The following FLT1 variants were observed in gnomAD, a reference collection of about 807,000 sequenced individuals.
The protein encoded by FLT1 is fms related receptor tyrosine kinase 1, also known as vascular endothelial growth factor receptor 1.
In FLT1, 49 loss-of-function variants were observed where a neutral mutation model predicts 156.3. The ratio of observed to expected loss-of-function variants is 0.31; its 90% confidence interval spans 0.25 to 0.40. The LOEUF (loss-of-function observed/expected upper bound fraction) is 0.40, where lower values mean the gene tolerates loss of function less well. Ranked by LOEUF, FLT1 falls within the 10% of genes least tolerant of loss-of-function variation. The pLI is 1.00. For synonymous variants in FLT1, 594 were observed against 583.8 expected (o/e 1.02, Z -0.25); for missense variants, 1,322 against 1,637.2 (o/e 0.81, Z 3.32).
Position 28,434,084 on chromosome 13 carries a change from T to A in FLT1, c.650A>T (p.Lys217Met). 1 of 1,614,222 alleles carries A rather than the reference T, an allele frequency of 6.2e-7. No individual in the cohort carries two copies. The highest frequency in any genetic ancestry group is 8.5e-7 in the Non-Finnish European group (1 of 1,180,012). ...CEATVNGHLY[K>M]TNYLTHRQTN... is the part of the protein sequence containing the mutation. ...TTGTCGATGTGTGAGATAGTTTGTC[T>A]TATACAAATGCCCATTGACTGTTGC... The change falls in exon 5 of 30, where the codon AAG (lysine) becomes ATG (methionine). Residue 217 changes from lysine (K) to methionine (M), a missense_variant. Around this residue, in one of 3 missense-constraint regions of FLT1, gnomAD observed 991 missense variants for 1,254.8 expected, o/e 0.79. Coordinates refer to ENST00000282397, the MANE Select transcript of FLT1 (RefSeq NM_002019.4).
intron 18 of FLT1, among the ~76,000 whole-genome samples, chr13:28,331,444 G>C (rs978372431): frequency 3.3e-5 from 5 of 152,144 alleles, no homozygotes; most frequent in Non-Finnish European, 5.9e-5. Context: ...TTATGCTTTT[G>C]TTTTGAGACG....
At chr13:28,442,732 A>ACACACACACACG (rs1878401652) in intron 3 of FLT1, among the ~76,000 whole-genome samples, 1 of 151,228 alleles carries the variant, frequency 6.6e-6, no homozygotes, top group African/African-American at 2.4e-5. Context: ...ACACACACAC[A>ACACACACACACG]CGAACACACG....
At chr13:28,328,787 C>T (rs1373898162) in intron 19 of FLT1, among the ~76,000 whole-genome samples, 1 of 152,204 alleles carries the variant, frequency 6.6e-6, no homozygotes, top group African/African-American at 2.4e-5. Context: ...TAAGCTGTCT[C>T]ATTATACCTG....
At chr13:28,326,241 C>T (rs1008825537) in intron 20 of FLT1, among the ~76,000 whole-genome samples, 12 of 152,116 alleles carry the variant, frequency 7.9e-5, no homozygotes, top group East Asian at 1.9e-4. Flanking sequence ...ATTTAATAAA[C>T]GAGGGAACTG....
chr13:28,445,875 T>C (rs1314508960), intron 3 of FLT1, among the ~76,000 whole-genome samples: 14 of 152,140 alleles, frequency 9.2e-5, no homozygotes, highest in African/African-American at 3.4e-4. Flanking sequence ...GACAAACCAA[T>C]ATCTATTACG....
chr13:28,385,486 C>A (rs116741747), intron 13 of FLT1: 8 of 1,007,160 alleles, frequency 7.9e-6, no homozygotes, highest in Non-Finnish European at 9.5e-6. Context: ...TTTGTGGGGG[C>A]GTGTTTGTGT....
At chr13:28,355,724 C>T (rs945020606) in intron 15 of FLT1, among the ~76,000 whole-genome samples, 2 of 152,160 alleles carry the variant, frequency 1.3e-5, no homozygotes, top group African/African-American at 4.8e-5. Flanking sequence ...TCACTAATGG[C>T]CAAACGACTG....
At chr13:28,410,439 GC>G (rs772067462) in intron 10 of FLT1, among the ~76,000 whole-genome samples, 20 of 152,332 alleles carry the variant, frequency 1.3e-4, no homozygotes, top group South Asian at 2.1e-4. Context: ...TCTGTTTAGT[GC>G]CTGTTATGGT....
chr13:28,381,045 G>A (rs1874060733), intron 14 of FLT1, among the ~76,000 whole-genome samples: 1 of 152,032 alleles, frequency 6.6e-6, no homozygotes, highest in Non-Finnish European at 1.5e-5. Flanking sequence ...TTTTGCATGT[G>A]GTAGCTGCTG....
At chr13:28,338,697 A>G (rs1313608249) in intron 17 of FLT1, among the ~76,000 whole-genome samples, 1 of 151,992 alleles carries the variant, frequency 6.6e-6, no homozygotes, top group Non-Finnish European at 1.5e-5. Flanking sequence ...AAGAGCACCA[A>G]CTCTTTCACC....
chr13:28,416,223 G>T (rs1361043314), intron 10 of FLT1, among the ~76,000 whole-genome samples: 1 of 152,234 alleles, frequency 6.6e-6, no homozygotes. Flanking sequence ...GCCAATGGAT[G>T]CCAGTAGGTG....
At chr13:28,465,021 G>T (rs899886993) in intron 3 of FLT1, among the ~76,000 whole-genome samples, 3 of 152,154 alleles carry the variant, frequency 2.0e-5, no homozygotes, top group African/African-American at 4.8e-5. Context: ...ACAGATGTCG[G>T]AAAGAACACA....
chr13:28,337,410 T>G (rs1872159513), intron 17 of FLT1, among the ~76,000 whole-genome samples: 1 of 152,234 alleles, frequency 6.6e-6, no homozygotes, highest in Non-Finnish European at 1.5e-5. Flanking sequence ...ATCTGGGTTA[T>G]TTTCAGTTGC....
intron 17 of FLT1, 109 bp from the exon 18 acceptor site, chr13:28,334,238 C>A (rs1410348052): frequency 3.8e-6 from 3 of 793,206 alleles, no homozygotes; most frequent in Admixed American, 3.4e-5. Flanking sequence ...GGCATGGAAT[C>A]TCCAGTGAAC....
At chr13:28,450,480 T>C (rs1017481536) in intron 3 of FLT1, among the ~76,000 whole-genome samples, 8 of 150,542 alleles carry the variant, frequency 5.3e-5, no homozygotes, top group Admixed American at 2.0e-4. Flanking sequence ...TCTTGATCAG[T>C]TGAGACATCT....
At chr13:28,354,524 A>G (rs936881193) in intron 15 of FLT1, among the ~76,000 whole-genome samples, 14 of 152,180 alleles carry the variant, frequency 9.2e-5, no homozygotes, top group Admixed American at 3.3e-4. Flanking sequence ...TTTTGGACTA[A>G]GTATCCTCAT....
intron 3 of FLT1, among the ~76,000 whole-genome samples, chr13:28,447,287 C>T (rs1430577892): frequency 6.6e-6 from 1 of 151,526 alleles, no homozygotes; most frequent in East Asian, 1.9e-4. Flanking sequence ...CAAGTGATGC[C>T]CCCACCTCAG....
intron 10 of FLT1, among the ~76,000 whole-genome samples, chr13:28,416,553 G>A (rs1876659358): frequency 6.6e-6 from 1 of 152,162 alleles, no homozygotes; most frequent in South Asian, 2.1e-4. Context: ...TACCTGATCT[G>A]GAAAATGGTA....
At chr13:28,440,743 G>A (rs1343639657) in intron 3 of FLT1, among the ~76,000 whole-genome samples, 1 of 152,090 alleles carries the variant, frequency 6.6e-6, no homozygotes, top group African/African-American at 2.4e-5. Flanking sequence ...TGCCTCATTT[G>A]TAAAATCTAA....
Sources: gnomAD v4.1 joint callset for allele counts (sites outside exome capture counted in the v4.1 genomes callset) on GRCh38, gnomAD v4.1.1 for gene constraint, gnomAD v4.1.1 regional missense constraint, MANE v1.5 for transcripts, NCBI Gene and HGNC (gene_info 2026-07-23, HGNC 2026-07-21) for gene names.